Variants in GOLGA1 observed in about 807,000 individuals in gnomAD.
GOLGA1 encodes golgin subfamily A member 1.
Under a neutral mutation model 119.7 loss-of-function variants are expected in GOLGA1, and 63 were observed. The observed-to-expected ratio is 0.53, with a 90% CI of 0.43 to 0.65. The LOEUF is 0.65. GOLGA1 is among the 30% of genes least tolerant of loss of function. The pLI is 0.00. For missense variants in GOLGA1, 798 were observed against 912.8 expected, an observed-to-expected ratio of 0.87 and a Z score of 1.62; for synonymous variants, 318 against 333.4, an observed-to-expected ratio of 0.95 and a Z score of 0.50.
upstream of GOLGA1, chr9:124,942,777 A>C (rs1482012556): frequency 6.6e-6 from 1 of 152,236 alleles, no homozygotes; most frequent in Non-Finnish European, 1.5e-5. Context: ...AAAATCAAAT[A>C]TTCTCTAATC....
intron 8 of GOLGA1, among the ~76,000 whole-genome samples, chr9:124,922,281 G>A (rs1042995236): frequency 3.3e-5 from 5 of 151,362 alleles, no homozygotes; most frequent in Non-Finnish European, 5.9e-5. Flanking sequence ...GGCTGGATAC[G>A]GTGGCTCACG....
Position 124,946,302 on chromosome 9 carries a change from C to T in GOLGA1, c.-156+1616G>A, listed in dbSNP as rs981577715. The T allele has an allele frequency of 7.9e-5, 12 of 152,052 alleles. No homozygotes were observed. The highest frequency in any genetic ancestry group is 1.3e-4 in the Non-Finnish European group (9 of 68,004). 9.4% of individuals were successfully genotyped at this position (152,052 alleles called of 1,614,324 possible). A position where few individuals can be genotyped will look rare whatever the true frequency, so the allele number is the denominator to read the frequency against. Reference sequence around the variant, plus strand: ...AAGAAAAATGCTGTTATAATTATTTCTGAATTTAATACTATAATTGAAAAG... The same window carrying T: ...AAGAAAAATGCTGTTATAATTATTTTTGAATTTAATACTATAATTGAAAAG... On this transcript the variant is annotated intron_variant, in intron 1 of 4. Transcript: ENST00000421514. The surrounding 1 kb of genome is among the most constrained non-coding windows in gnomAD (Gnocchi z 4.0).
chr9:124,931,566 C>T (rs377384142), intron 3 of GOLGA1, among the ~76,000 whole-genome samples, 160 bp from the exon 4 acceptor site: 2 of 152,250 alleles, frequency 1.3e-5, no homozygotes, highest in Middle Eastern at 3.4e-3. Flanking sequence ...GTGGAAGCAA[C>T]GCTTTCTTCC....
At chr9:124,940,478 T>C (rs1469492722) in intron 1 of GOLGA1, among the ~76,000 whole-genome samples, 1 of 152,234 alleles carries the variant, frequency 6.6e-6, no homozygotes, top group Non-Finnish European at 1.5e-5. Context: ...CCAGTATTTA[T>C]TTCTCAGTTG....
chr9:124,921,260 A>G lies in GOLGA1; in HGVS notation c.732-20T>C, dbSNP rs936217894. The G allele has an allele frequency of 1.4e-6, 2 of 1,422,844 alleles. No homozygotes were observed. Among genetic ancestry groups the G allele is most frequent in the African/African-American group, 1.4e-5 (1 of 71,244 alleles). The allele number at this position is 1,422,844 out of a possible 1,614,324, so 88.1% of individuals were successfully genotyped here. A position where few individuals can be genotyped will look rare whatever the true frequency, so the allele number is the denominator to read the frequency against. On this transcript the variant is annotated intron_variant, in intron 9 of 22. Coordinates refer to ENST00000373555, the MANE Select transcript of GOLGA1 (RefSeq NM_002077.4). ...TGATCTCTTCATCAAAAGAAAGCAG[A>G]CAATGAACAAATTTGGATATCTCAT...
In GOLGA1 at chr9:124,889,503, C is replaced by G; in HGVS notation, c.1531G>C (p.Glu511Gln). 1 of 1,613,874 alleles carries G rather than the reference C, an allele frequency of 6.2e-7. No homozygotes were observed. The highest frequency in any genetic ancestry group is 8.5e-7 in the Non-Finnish European group (1 of 1,179,728). ...TCGGTTTTTTCCCGCAGATTCTGTTCCTTCTCGTCTATTATGGCTGTCAGG... is the reference window on the plus strand; with the variant it reads ...TCGGTTTTTTCCCGCAGATTCTGTTGCTTCTCGTCTATTATGGCTGTCAGG... Reference protein sequence around the residue: ...ANLTAIIDEKEQNLREKTEVL... With the variant: ...ANLTAIIDEKQQNLREKTEVL... The change falls in exon 17 of 23, where the codon GAA becomes CAA. Residue 511 changes from glutamate (E) to glutamine (Q), a missense_variant. Glu to Gln is a conservative substitution (Grantham distance 29). Transcript: ENST00000373555.
At chr9:124,932,218 A>C (rs1195242429) in intron 3 of GOLGA1, among the ~76,000 whole-genome samples, 2 of 152,242 alleles carry the variant, frequency 1.3e-5, no homozygotes, top group African/African-American at 4.8e-5. Context: ...CCAAAAATTA[A>C]GGCTATTTCT....
chr9:124,928,070 T>C, intron 6 of GOLGA1, 118 bp downstream of exon 6: 1 of 521,550 alleles, frequency 1.9e-6, no homozygotes, highest in Non-Finnish European at 3.4e-6. Flanking sequence ...AACGAACTTT[T>C]AACATTTCTC....
At position 124,921,750 on chromosome 9, in the gene GOLGA1, C is replaced by T. The variant is rs779986344; in HGVS notation, c.704G>A (p.Arg235Lys). 1.3e-5 allele frequency: 21 copies of T among 1,613,848 alleles called. No homozygotes were observed. The highest frequency in any genetic ancestry group is 1.6e-5 in the Non-Finnish European group (19 of 1,179,882). ...DLSQKLEELQ[R>K]HYSTLEEQRD... ...CTGCTCTTCCAGCGTTGAGTAGTGTCTCTGCAATTCTTCTAGCTTCTGGCT... is the reference window on the plus strand; with the variant it reads ...CTGCTCTTCCAGCGTTGAGTAGTGTTTCTGCAATTCTTCTAGCTTCTGGCT... Residue 235 changes from arginine (R) to lysine (K), a missense_variant, in exon 9 of 23, where the codon AGA becomes AAA. Transcript: ENST00000373555.
In GOLGA1 at chr9:124,926,420, C is replaced by G. The variant is rs558010226; in HGVS notation, c.432+289G>C. On this transcript the variant is annotated intron_variant, in intron 7 of 22. Coordinates refer to ENST00000373555, the MANE Select transcript of GOLGA1 (RefSeq NM_002077.4). ...CCCACTGGCTGAACCCAACCGGATGCCAGAGGGCATTCTGAGCCCTGCTGA... is the reference window on the plus strand; with the variant it reads ...CCCACTGGCTGAACCCAACCGGATGGCAGAGGGCATTCTGAGCCCTGCTGA... Among the ~76,000 whole-genome samples the G allele has an allele frequency of 1.2e-4, 18 of 152,234 alleles. No individual in the cohort carries two copies. In the East Asian group the frequency reaches 3.5e-3, roughly 29 times the overall value.
chr9:124,918,748 CCT>C (rs1830502865), intron 10 of GOLGA1, among the ~76,000 whole-genome samples: 1 of 151,770 alleles, frequency 6.6e-6, no homozygotes, highest in Admixed American at 6.6e-5. Context: ...AAAGTGAGAC[CCT>C]GTCTCAGAAA....
chr9:124,920,806 C>T (rs916800279), intron 10 of GOLGA1, among the ~76,000 whole-genome samples: 2 of 144,490 alleles, frequency 1.4e-5, no homozygotes, highest in Admixed American at 7.2e-5. Context: ...TGGTGGCGGG[C>T]GCCTATAATA....
intron 7 of GOLGA1, among the ~76,000 whole-genome samples, chr9:124,923,654 CTTT>C (rs748214751): frequency 7.0e-6 from 1 of 142,428 alleles, no homozygotes. Flanking sequence ...TTACGTAGAA[CTTT>C]TTTTTTTTTT....
chr9:124,913,854 T>C (rs1191035810), intron 10 of GOLGA1, among the ~76,000 whole-genome samples: 1 of 152,204 alleles, frequency 6.6e-6, no homozygotes, highest in Non-Finnish European at 1.5e-5. Context: ...GCCTCCTGAA[T>C]GGGCAAGTCC....
intron 10 of GOLGA1, among the ~76,000 whole-genome samples, chr9:124,917,771 C>T (rs866278866): frequency 2.8e-4 from 43 of 152,102 alleles, no homozygotes; most frequent in African/African-American, 8.9e-4. Flanking sequence ...TCCCATCATC[C>T]CTTTCTCTCC....
upstream of GOLGA1, chr9:124,943,428 C>A (rs1292395378): frequency 6.6e-6 from 1 of 152,142 alleles, no homozygotes; most frequent in Non-Finnish European, 1.5e-5. Context: ...AAATAGGCAA[C>A]CAAATAGCTT....
At chr9:124,890,965 G>C (rs1320871322) in intron 15 of GOLGA1, among the ~76,000 whole-genome samples, 1 of 152,074 alleles carries the variant, frequency 6.6e-6, no homozygotes. Flanking sequence ...GGCCATCCTG[G>C]GTAACACAGT....
chr9:124,914,174 A>C (rs559688951), intron 10 of GOLGA1, among the ~76,000 whole-genome samples: 1 of 152,244 alleles, frequency 6.6e-6, no homozygotes, highest in Non-Finnish European at 1.5e-5. Flanking sequence ...AGAAGCAGCT[A>C]TAACAAGATT....
chr9:124,922,461 G>C (rs1830590303), intron 8 of GOLGA1, among the ~76,000 whole-genome samples: 1 of 147,092 alleles, frequency 6.8e-6, no homozygotes, highest in Admixed American at 7.0e-5. Context: ...TTAGGTGGAA[G>C]AATCCCTTGA....
Sources: allele counts gnomAD v4.1 joint callset (sites outside exome capture counted in the v4.1 genomes callset), GRCh38; gene constraint gnomAD v4.1.1; non-coding constraint Gnocchi (gnomAD v3.1); transcripts MANE v1.5; gene names NCBI Gene and HGNC (gene_info 2026-07-23, HGNC 2026-07-21).